Variants in AUTS2 observed in about 807,000 individuals in gnomAD.
AUTS2 encodes the protein activator of transcription and developmental regulator AUTS2.
A neutral mutation model predicts 112.4 loss-of-function variants in AUTS2; 17 were observed. That is an observed-to-expected ratio of 0.15 (90% CI 0.10 to 0.23). The LOEUF (loss-of-function observed/expected upper bound fraction) is 0.23. Ranked by LOEUF, AUTS2 falls within the 10% of genes least tolerant of loss-of-function variation. AUTS2 has a pLI of 1.00. For synonymous variants in AUTS2, 751 were observed against 702.7 expected, an observed-to-expected ratio of 1.07 and a Z score of -1.09; for missense variants, 1,510 against 1,701.6, an observed-to-expected ratio of 0.89 and a Z score of 1.98.
intron 1 of AUTS2, among the ~76,000 whole-genome samples, chr7:69,849,242 T>C (rs1792351187): frequency 6.6e-6 from 1 of 152,226 alleles, no homozygotes; most frequent in African/African-American, 2.4e-5. Context: ...GCTACTTATC[T>C]TGTGACCTTC....
intron 5 of AUTS2, among the ~76,000 whole-genome samples, chr7:70,490,556 G>A (rs2116400412): frequency 6.6e-6 from 1 of 152,188 alleles, no homozygotes. Context: ...CCCTATACCA[G>A]CAGAGTTCCC....
chr7:69,744,055 C>T (rs894700864), intron 1 of AUTS2, among the ~76,000 whole-genome samples: 2 of 152,050 alleles, frequency 1.3e-5, no homozygotes, highest in East Asian at 3.9e-4. Context: ...CTCAGCCTCT[C>T]AAAGTACTGG....
chr7:70,661,830 C>T (rs1285211541), intron 5 of AUTS2, among the ~76,000 whole-genome samples: 2 of 152,136 alleles, frequency 1.3e-5, no homozygotes, highest in East Asian at 3.9e-4. Flanking sequence ...TCAGGTTTAA[C>T]CTTTTACTTG....
chr7:70,426,296 C>A lies in AUTS2; in HGVS notation c.661-9456C>A, dbSNP rs527656888. Among the ~76,000 whole-genome samples, 4 of 152,230 alleles carry A rather than the reference C, an allele frequency of 2.6e-5. 1 individual carries two copies. The South Asian group carries it at 8.3e-4, about 32-fold the overall frequency. On this transcript the variant is annotated intron_variant, in intron 4 of 18. Transcript: ENST00000342771. ...TTGAACCAACCCTCTGTGATTCCAC[C>A]CCGCCTCTCCCCTGGCTGCACCAGG...
intron 4 of AUTS2, among the ~76,000 whole-genome samples, chr7:70,365,512 G>C (rs554454066): frequency 5.9e-5 from 9 of 152,096 alleles, no homozygotes; most frequent in South Asian, 4.2e-4. Context: ...GAACGTAAAT[G>C]GTATTTTTTA....
intron 2 of AUTS2, among the ~76,000 whole-genome samples, 166 bp downstream of exon 2, chr7:69,899,664 A>G (rs1299693323): frequency 6.6e-6 from 1 of 152,124 alleles, no homozygotes; most frequent in African/African-American, 2.4e-5. Context: ...CTAAAACCCA[A>G]TCTCAGCTCT....
At chr7:69,834,640 G>GTGTA (rs140032564) in intron 1 of AUTS2, among the ~76,000 whole-genome samples, 4,410 of 152,290 alleles carry the variant, frequency 0.029, 98 homozygotes, top group Admixed American at 0.044. Context: ...TCAGCCTTAT[G>GTGTA]TGTAGCAACT....
At chr7:69,717,936 G>A (rs1050176988) in intron 1 of AUTS2, among the ~76,000 whole-genome samples, 2 of 152,052 alleles carry the variant, frequency 1.3e-5, no homozygotes, top group African/African-American at 2.4e-5. Context: ...TTACTGTCCC[G>A]GCCAGCAAAG....
chr7:70,034,427 C>A (rs1233491399), intron 2 of AUTS2, among the ~76,000 whole-genome samples: 1 of 151,686 alleles, frequency 6.6e-6, no homozygotes, highest in South Asian at 2.1e-4. Flanking sequence ...AAATGTTTGT[C>A]AGACTGAGGG....
chr7:70,791,051 A>G lies in AUTS2; in HGVS notation c.*55A>G. ...AGAAACCCTAGGCAGACACCAGGCCAGGCTTGAGAGACAGAACTCCTGCAT... is the reference window on the plus strand; with the variant it reads ...AGAAACCCTAGGCAGACACCAGGCCGGGCTTGAGAGACAGAACTCCTGCAT... On this transcript the variant is annotated 3_prime_UTR_variant, in exon 19 of 19. Transcript: ENST00000342771. The G allele has an allele frequency of 2.8e-6, 4 of 1,429,616 alleles. No homozygotes were observed. The highest frequency in any genetic ancestry group is 3.7e-6 in the Non-Finnish European group (4 of 1,095,842). 88.6% of individuals were successfully genotyped at this position (1,429,616 alleles called of 1,614,324 possible).
intron 4 of AUTS2, among the ~76,000 whole-genome samples, chr7:70,181,337 C>T (rs750337457): frequency 1.6e-4 from 24 of 152,168 alleles, no homozygotes; most frequent in South Asian, 8.3e-4. Flanking sequence ...GTGATTGATA[C>T]AAGACTGCTA....
intron 2 of AUTS2, among the ~76,000 whole-genome samples, chr7:69,946,913 A>G (rs1796837173): frequency 6.6e-6 from 1 of 152,200 alleles, no homozygotes; most frequent in African/African-American, 2.4e-5. Flanking sequence ...CTTGTGAGGC[A>G]AGGAAAGCAG....
chr7:70,435,840 C>G (rs1795872110), intron 5 of AUTS2, 59 bp downstream of exon 5: 1 of 1,562,178 alleles, frequency 6.4e-7, no homozygotes, highest in Non-Finnish European at 8.8e-7. Context: ...CACCAGAGTC[C>G]TCCCACACAC....
chr7:70,140,295 C>T (rs559831700), intron 4 of AUTS2, among the ~76,000 whole-genome samples: 2 of 152,168 alleles, frequency 1.3e-5, no homozygotes, highest in East Asian at 1.9e-4. Context: ...ACCCAGTGTT[C>T]GTTAGGAGCT....
chr7:70,571,819 A>C (rs553057009), intron 5 of AUTS2, among the ~76,000 whole-genome samples: 1 of 152,270 alleles, frequency 6.6e-6, no homozygotes, highest in South Asian at 2.1e-4. Context: ...ACGTCTTTGC[A>C]GGGGTGAAGC....
intron 4 of AUTS2, among the ~76,000 whole-genome samples, chr7:70,196,366 CCTT>C (rs748312127): frequency 2.0e-5 from 3 of 152,162 alleles, no homozygotes; most frequent in Non-Finnish European, 4.4e-5. Context: ...GCTTTCCCTC[CCTT>C]CTTTTAGCAT....
intron 4 of AUTS2, chr7:70,290,627 AGT>A: frequency 5.0e-6 from 7 of 1,413,884 alleles, no homozygotes; most frequent in Non-Finnish European, 6.4e-6. Flanking sequence ...TTTCATTTGC[AGT>A]GTGTTTTAGT....
intron 2 of AUTS2, among the ~76,000 whole-genome samples, chr7:69,908,234 C>G (rs1795223980): frequency 6.6e-6 from 1 of 152,170 alleles, no homozygotes; most frequent in Non-Finnish European, 1.5e-5. Context: ...CCTTGCTGTA[C>G]TTAACCCTCA....
In AUTS2 at chr7:70,081,476, G is replaced by A. The variant is rs892015616; in HGVS notation, c.523-36656G>A. Among the ~76,000 whole-genome samples the A allele has an allele frequency of 4.0e-5, 6 of 151,446 alleles. No individual in the cohort carries two copies. In the South Asian group the frequency reaches 1.0e-3, roughly 26 times the overall value. The stretch of plus-strand genomic sequence containing the variant: ...CTCAGGAGGCTGAGTCAGGAGAATC[G>A]CTTGAACCCGGGAGATGGAGGTTGT... On this transcript the variant is annotated intron_variant, in intron 2 of 18. Transcript: ENST00000342771.
Sources: gnomAD v4.1 joint callset for allele counts (sites outside exome capture counted in the v4.1 genomes callset) on GRCh38, gnomAD v4.1.1 for gene constraint, MANE v1.5 for transcripts, NCBI Gene and HGNC (gene_info 2026-07-23, HGNC 2026-07-21) for gene names.